The following DHX40 variants were observed in gnomAD, a reference collection of about 807,000 sequenced individuals.
The protein encoded by DHX40 is DEAH-box helicase 40, also known as probable ATP-dependent RNA helicase DHX40.
A neutral mutation model predicts 89.6 loss-of-function variants in DHX40; 28 were observed. The observed-to-expected ratio is 0.31, with a 90% confidence interval of 0.23 to 0.43. DHX40 has a LOEUF of 0.43. Among genes scored for constraint, DHX40 ranks in the 20% least tolerant of loss-of-function variants. The pLI, the probability that DHX40 is intolerant of heterozygous loss-of-function variation, is 1.00. For synonymous variants in DHX40, 226 were observed against 283.6 expected, an observed-to-expected ratio of 0.80 and a Z score of 2.04; for missense variants, 457 against 844.0, an observed-to-expected ratio of 0.54 and a Z score of 5.68.
At chr17:59,600,604 T>C (rs895882973) in intron 14 of DHX40, among the ~76,000 whole-genome samples, 1 of 152,152 alleles carries the variant, frequency 6.6e-6, no homozygotes, top group Non-Finnish European at 1.5e-5. Flanking sequence ...CCCAATGCTT[T>C]GGGAGGACGA....
chr17:59,604,891 A>G (rs999675755), intron 15 of DHX40: 1 of 487,884 alleles, frequency 2.0e-6, no homozygotes, highest in East Asian at 3.2e-5. Context: ...CCTTATACCT[A>G]ATTGTAGTGA....
At chr17:59,590,560 C>G (rs570958415) in intron 12 of DHX40, among the ~76,000 whole-genome samples, 1 of 151,656 alleles carries the variant, frequency 6.6e-6, no homozygotes, top group East Asian at 1.9e-4. Context: ...CTCTGCCTTC[C>G]AGGCTCAAGT....
chr17:59,580,987 C>T (rs1306046591), intron 10 of DHX40, among the ~76,000 whole-genome samples: 1 of 150,104 alleles, frequency 6.7e-6, no homozygotes, highest in Non-Finnish European at 1.5e-5. Flanking sequence ...GAGGCTGAAG[C>T]ACGAGAATCA....
chr17:59,570,937 G>A (rs1351814323), intron 3 of DHX40, among the ~76,000 whole-genome samples: 2 of 152,098 alleles, frequency 1.3e-5, no homozygotes, highest in Non-Finnish European at 2.9e-5. Flanking sequence ...ATTTATTTTT[G>A]TTGTTCATTG....
chr17:59,568,618 T>C (rs927063606), intron 2 of DHX40, among the ~76,000 whole-genome samples: 1 of 152,122 alleles, frequency 6.6e-6, no homozygotes, highest in Non-Finnish European at 1.5e-5. Context: ...AGAGCAGTTA[T>C]GACAATATAC....
rs1489683458 is a variant in DHX40 at position 59,566,781 on chromosome 17, T to C, written c.267T>C (p.Tyr89=). The change falls in exon 2 of 18, where the codon TAT becomes TAC. Residue 89 remains tyrosine, a synonymous_variant. Coordinates refer to ENST00000251241, the MANE Select transcript of DHX40 (RefSeq NM_024612.5). The part of the protein sequence containing the change: ...GSGKTTQLPK[Y]LYEAGFSQHG... ...GTAAAACAACTCAACTCCCAAAATATCTATATGAAGCAGGTGATTTTTTTC... is the reference window on the plus strand; with the variant it reads ...GTAAAACAACTCAACTCCCAAAATACCTATATGAAGCAGGTGATTTTTTTC... The C allele has an allele frequency of 4.4e-6, 7 of 1,580,228 alleles. No individual in the cohort carries two copies. Among genetic ancestry groups the C allele is most frequent in the African/African-American group, 1.4e-5 (1 of 72,470 alleles).
intron 12 of DHX40, among the ~76,000 whole-genome samples, chr17:59,588,762 C>T (rs541545963): frequency 2.0e-5 from 3 of 152,274 alleles, no homozygotes; most frequent in Admixed American, 1.3e-4. Context: ...TTTTGCAGAG[C>T]GGAAGTTTTT....
chr17:59,565,866 A>G, intron 1 of DHX40, 83 bp downstream of exon 1: 2 of 1,230,124 alleles, frequency 1.6e-6, no homozygotes, highest in Non-Finnish European at 2.2e-6. Context: ...CGCCTTTGGC[A>G]GGCTGAGAAG....
intron 17 of DHX40, 82 bp from the exon 18 acceptor site, chr17:59,606,951 A>C: frequency 7.6e-7 from 1 of 1,317,694 alleles, no homozygotes; most frequent in Non-Finnish European, 1.1e-6. Context: ...ACACTGAAAA[A>C]TCAGGGCTTC....
At position 59,591,730 on chromosome 17, in the gene DHX40, T is replaced by G. The variant is rs2960212; in HGVS notation, c.1582+3677T>G. 4.6e-5 allele frequency among the ~76,000 whole-genome samples: 7 copies of G among 151,650 alleles called. 1 individual carries two copies. The highest frequency in any genetic ancestry group is 8.9e-5 in the Non-Finnish European group (6 of 67,788). Reference sequence around the variant, plus strand: ...CTCCCTCTATATATGTATATATAAATGGATTTTTTTCTTTTTCTGAATCAT... The same window carrying G: ...CTCCCTCTATATATGTATATATAAAGGGATTTTTTTCTTTTTCTGAATCAT... On this transcript the variant is annotated intron_variant, in intron 12 of 17. Transcript: ENST00000251241.
At chr17:59,571,689 C>G (rs944830438) in intron 3 of DHX40, among the ~76,000 whole-genome samples, 2 of 151,554 alleles carry the variant, frequency 1.3e-5, no homozygotes, top group Non-Finnish European at 2.9e-5. Context: ...CTCCCAGGTT[C>G]TAGTGATTCT....
Position 59,566,738 on chromosome 17 carries a change from C to T in DHX40, c.224C>T (p.Thr75Ile), listed in dbSNP as rs2048710581. Residue 75 changes from threonine to isoleucine, a missense_variant, in exon 2 of 18, where the codon ACT (threonine) becomes ATT (isoleucine). Transcript: ENST00000251241. ...AVRDNSFLIV[T>I]GNTGSGKTTQ... is the part of the protein sequence containing the mutation. ...AGGGACAATTCATTCCTTATTGTTA[C>T]TGGAAATACAGGAAGTGGTAAAACA... 1 of 1,599,928 alleles carries T rather than the reference C, an allele frequency of 6.3e-7. No homozygotes were observed. The highest frequency in any genetic ancestry group is 1.1e-5 in the South Asian group (1 of 88,148).
rs377127691 is a variant in DHX40, at chr17:59,594,843, T to G, written c.1583-3894T>G. ...ATAGCCCTTCCACACACACAGCTGT[T>G]GAGAGTGGGGCATTCTTCCTACTGT... On this transcript the variant is annotated intron_variant, in intron 12 of 17. Coordinates refer to ENST00000251241, the MANE Select transcript of DHX40 (RefSeq NM_024612.5). 1.3e-3 allele frequency among the ~76,000 whole-genome samples: 190 copies of G among 149,016 alleles called. No individual in the cohort carries two copies. The East Asian group carries it at 0.017, about 13-fold the overall frequency.
chr17:59,590,444 G>T (rs1013449267), intron 12 of DHX40, among the ~76,000 whole-genome samples: 2 of 149,210 alleles, frequency 1.3e-5, no homozygotes, highest in Admixed American at 6.6e-5. Context: ...CAAATAGTTT[G>T]CAGTCTTTTT....
chr17:59,606,986 T>C, intron 17 of DHX40, 47 bp from the exon 18 acceptor site: 1 of 1,529,242 alleles, frequency 6.5e-7, no homozygotes, highest in Non-Finnish European at 9.0e-7. Context: ...TTTCTAGTAC[T>C]GAATCTCAAA....
chr17:59,601,371 T>C (rs767166010), intron 14 of DHX40, among the ~76,000 whole-genome samples: 23 of 152,110 alleles, frequency 1.5e-4, no homozygotes, highest in Non-Finnish European at 3.1e-4. Flanking sequence ...ACCACTGTTA[T>C]AATTTCTCTG....
At chr17:59,571,412 G>A (rs1188611305) in intron 3 of DHX40, among the ~76,000 whole-genome samples, 12 of 149,124 alleles carry the variant, frequency 8.0e-5, no homozygotes, top group Non-Finnish European at 1.5e-4. Flanking sequence ...AGCTGAGATC[G>A]CGCCACTGCA....
intron 3 of DHX40, among the ~76,000 whole-genome samples, chr17:59,572,551 A>G (rs2048825182): frequency 6.6e-6 from 1 of 151,882 alleles, no homozygotes; most frequent in African/African-American, 2.4e-5. Context: ...GCTAATTTTT[A>G]TATGTTTATT....
At chr17:59,604,951 G>C (rs1169958616) in intron 15 of DHX40, 164 bp from the exon 16 acceptor site, 2 of 618,140 alleles carry the variant, frequency 3.2e-6, no homozygotes, top group Non-Finnish European at 5.7e-6. Context: ...AATTTAAGAT[G>C]AATTGGTAGA....
Sources: allele counts gnomAD v4.1 joint callset (sites outside exome capture counted in the v4.1 genomes callset), GRCh38; gene constraint gnomAD v4.1.1; transcripts MANE v1.5; gene names NCBI Gene and HGNC (gene_info 2026-07-23, HGNC 2026-07-21).